Variants in EPHA6 observed in about 807,000 individuals in gnomAD.
The protein encoded by EPHA6 is EPH receptor A6, also known as ephrin type-A receptor 6.
In EPHA6, 50 loss-of-function variants were observed where a neutral mutation model predicts 112.0. The ratio of observed to expected loss-of-function variants is 0.45; its 90% CI spans 0.36 to 0.56. The LOEUF (loss-of-function observed/expected upper bound fraction) is 0.56. EPHA6 is among the 20% of genes least tolerant of loss of function. EPHA6 has a pLI of 0.00. For missense variants in EPHA6, 1,280 were observed against 1,417.4 expected, an observed-to-expected ratio of 0.90 and a Z score of 1.56; for synonymous variants, 529 against 490.7, an observed-to-expected ratio of 1.08 and a Z score of -1.03.
At position 97,479,218 on chromosome 3, in the gene EPHA6, T is replaced by C. The variant is rs532897274; in HGVS notation, c.2004-76T>C. 7.6e-5 allele frequency: 62 copies of C among 815,036 alleles called. No individual in the cohort carries two copies. The African/African-American group carries it at 1.0e-3, about 14-fold the overall frequency. 50.5% of individuals were successfully genotyped at this position (815,036 alleles called of 1,614,324 possible). A position where few individuals can be genotyped will look rare whatever the true frequency, so the allele number is the denominator to read the frequency against. On this transcript the variant is annotated intron_variant, in intron 8 of 17. Coordinates refer to ENST00000389672, the MANE Select transcript of EPHA6 (RefSeq NM_001080448.3). Reference sequence around the variant, plus strand: ...TGACAAGAAATTTGTTCATAGATTATATGTATTTTAATTGGTTTTGCATTG... The same window carrying C: ...TGACAAGAAATTTGTTCATAGATTACATGTATTTTAATTGGTTTTGCATTG...
At chr3:97,462,603 T>G (rs2090927074) in intron 7 of EPHA6, among the ~76,000 whole-genome samples, 1 of 152,186 alleles carries the variant, frequency 6.6e-6, no homozygotes, top group South Asian at 2.1e-4. Flanking sequence ...CAAGCTTAGC[T>G]ATATATTGAA....
At chr3:97,541,875 A>G (rs2092860290) in intron 11 of EPHA6, among the ~76,000 whole-genome samples, 1 of 151,674 alleles carries the variant, frequency 6.6e-6, no homozygotes, top group Middle Eastern at 3.2e-3. Context: ...GACAGAACTA[A>G]TAGGATATAT....
At chr3:96,995,328 A>G (rs1474126709) in intron 3 of EPHA6, among the ~76,000 whole-genome samples, 1 of 152,086 alleles carries the variant, frequency 6.6e-6, no homozygotes, top group Non-Finnish European at 1.5e-5. Context: ...TAAGATTGGG[A>G]TCAGAAAAAA....
At chr3:97,393,327 C>A (rs1045130547) in intron 5 of EPHA6, among the ~76,000 whole-genome samples, 10 of 151,726 alleles carry the variant, frequency 6.6e-5, no homozygotes, top group Admixed American at 6.6e-4. Flanking sequence ...AGCAGTTTTT[C>A]AAATGCCTCT....
intron 5 of EPHA6, among the ~76,000 whole-genome samples, chr3:97,304,226 AC>A (rs369660709): frequency 5.8e-4 from 88 of 151,900 alleles, no homozygotes; most frequent in African/African-American, 2.1e-3. Context: ...CTATTTGAAT[AC>A]CCTTTATCTC....
chr3:97,359,020 C>T (rs1577082940), intron 5 of EPHA6, among the ~76,000 whole-genome samples: 1 of 147,408 alleles, frequency 6.8e-6, no homozygotes, highest in African/African-American at 2.5e-5. Context: ...TATAATGTGC[C>T]TTGCTATGGC....
chr3:97,110,853 C>T (rs984937063), intron 3 of EPHA6, among the ~76,000 whole-genome samples: 11 of 151,942 alleles, frequency 7.2e-5, no homozygotes, highest in African/African-American at 2.4e-4. Context: ...AAAGGAAAAA[C>T]TTGGAATTCA....
rs544323860 is a variant in EPHA6 at position 97,205,092 on chromosome 3, T to A, written c.1115-21172T>A. On this transcript the variant is annotated intron_variant, in intron 3 of 17. Transcript: ENST00000389672. ...AAATTCACTTGTTTCACAAAAGCAC[T>A]CATTCCAATCAGTTGGAAAATGTAG... 6.6e-5 allele frequency among the ~76,000 whole-genome samples: 10 copies of A among 152,248 alleles called. No individual in the cohort carries two copies. In the South Asian group the frequency reaches 1.9e-3, roughly 28 times the overall value.
intron 4 of EPHA6, among the ~76,000 whole-genome samples, chr3:97,231,181 T>C (rs2078514054): frequency 6.6e-6 from 1 of 152,168 alleles, no homozygotes; most frequent in Admixed American, 6.5e-5. Flanking sequence ...TCCTACATTG[T>C]TATCAATGAT....
At chr3:97,176,643 T>C (rs909337372) in intron 3 of EPHA6, among the ~76,000 whole-genome samples, 2 of 151,934 alleles carry the variant, frequency 1.3e-5, no homozygotes, top group African/African-American at 4.8e-5. Flanking sequence ...TATCTAGGAA[T>C]TTGTTCATTT....
chr3:97,560,383 AG>A (rs1275221597), intron 11 of EPHA6: 2 of 152,026 alleles, frequency 1.3e-5, no homozygotes, highest in African/African-American at 4.8e-5. Context: ...GAGCATCTAA[AG>A]GTAGCTACTA....
At chr3:97,112,370 C>T (rs921520695) in intron 3 of EPHA6, among the ~76,000 whole-genome samples, 8 of 152,052 alleles carry the variant, frequency 5.3e-5, no homozygotes, top group Non-Finnish European at 8.8e-5. Flanking sequence ...CCACTTTAGA[C>T]TTTGATGATG....
chr3:97,061,027 G>C (rs903464479), intron 3 of EPHA6, among the ~76,000 whole-genome samples: 6 of 151,716 alleles, frequency 4.0e-5, no homozygotes, highest in Admixed American at 2.0e-4. Flanking sequence ...ACAGGTAATG[G>C]TGGCTTGGGT....
chr3:97,577,777 A>G (rs2093400852), intron 11 of EPHA6, among the ~76,000 whole-genome samples: 2 of 152,110 alleles, frequency 1.3e-5, no homozygotes, highest in Non-Finnish European at 2.9e-5. Flanking sequence ...ATCACTCTTA[A>G]TCTTATCTTT....
chr3:97,068,526 G>A (rs942627134), intron 3 of EPHA6, among the ~76,000 whole-genome samples: 1 of 152,074 alleles, frequency 6.6e-6, no homozygotes, highest in Non-Finnish European at 1.5e-5. Context: ...CCTAGAACAT[G>A]AGTATATGCA....
chr3:97,101,377 G>A (rs776149044), intron 3 of EPHA6, among the ~76,000 whole-genome samples: 3 of 151,890 alleles, frequency 2.0e-5, no homozygotes, highest in Non-Finnish European at 2.9e-5. Context: ...TGATATGCCC[G>A]CTCTCTCCAA....
At chr3:97,255,500 T>C (rs903118173) in intron 5 of EPHA6, among the ~76,000 whole-genome samples, 1 of 152,192 alleles carries the variant, frequency 6.6e-6, no homozygotes, top group African/African-American at 2.4e-5. Flanking sequence ...AATAGGGAAG[T>C]GTTTATTCCA....
At chr3:97,588,874 C>T (rs2093516184) in intron 11 of EPHA6, among the ~76,000 whole-genome samples, 1 of 152,108 alleles carries the variant, frequency 6.6e-6, no homozygotes, top group African/African-American at 2.4e-5. Flanking sequence ...AATTTCTTTC[C>T]TTTTTTATAA....
At chr3:97,737,821 A>T (rs1387343045) in intron 16 of EPHA6, among the ~76,000 whole-genome samples, 2 of 152,098 alleles carry the variant, frequency 1.3e-5, no homozygotes, top group Non-Finnish European at 2.9e-5. Context: ...GCATATAAAT[A>T]GTGGAAAGGA....
Sources: gnomAD v4.1 joint callset for allele counts (sites outside exome capture counted in the v4.1 genomes callset) on GRCh38, gnomAD v4.1.1 for gene constraint, MANE v1.5 for transcripts, NCBI Gene and HGNC (gene_info 2026-07-23, HGNC 2026-07-21) for gene names.